Variants in SLC35D4 observed in about 807,000 individuals in gnomAD.
SLC35D4 encodes the protein solute carrier family 35 member D4.
the SLC35D4 span, among the ~76,000 whole-genome samples, chr18:23,321,640 A>G: frequency 2.0e-5 from 3 of 152,100 alleles, no homozygotes; most frequent in Non-Finnish European, 2.9e-5. Flanking sequence ...TATTTTGTAG[A>G]GATGGGGTTT....
chr18:23,404,511 A>G, the SLC35D4 span, among the ~76,000 whole-genome samples: 1 of 151,262 alleles, frequency 6.6e-6, no homozygotes, highest in Non-Finnish European at 1.5e-5. Flanking sequence ...CGTCTCTACT[A>G]AAAATACAAA....
the SLC35D4 span, among the ~76,000 whole-genome samples, chr18:23,267,726 T>C: frequency 6.6e-6 from 1 of 152,148 alleles, no homozygotes; most frequent in African/African-American, 2.4e-5. Context: ...TTTCCTTCCT[T>C]AGCGCTCCCT....
the SLC35D4 span, among the ~76,000 whole-genome samples, chr18:23,388,091 G>A: frequency 2.6e-5 from 4 of 152,110 alleles, no homozygotes; most frequent in Non-Finnish European, 5.9e-5. Context: ...TTATGTAAAT[G>A]TTTTTTGCCT....
At chr18:23,306,754 G>C in the SLC35D4 span, among the ~76,000 whole-genome samples, 1 of 152,180 alleles carries the variant, frequency 6.6e-6, no homozygotes, top group Admixed American at 6.5e-5. Context: ...TCCATGGGGG[G>C]GAAAAATCTG....
the SLC35D4 span, among the ~76,000 whole-genome samples, chr18:23,299,348 C>T: frequency 6.6e-6 from 1 of 152,180 alleles, no homozygotes; most frequent in Non-Finnish European, 1.5e-5. Context: ...CTGAGAGTAG[C>T]AATCCCCTCC....
the SLC35D4 span, among the ~76,000 whole-genome samples, chr18:23,360,203 G>T: frequency 1.3e-5 from 2 of 152,246 alleles, no homozygotes; most frequent in Admixed American, 1.3e-4. Flanking sequence ...TGCTGGGTGG[G>T]AGTGGAAAAT....
chr18:23,427,133 A>G, the SLC35D4 span, among the ~76,000 whole-genome samples: 1 of 152,200 alleles, frequency 6.6e-6, no homozygotes, highest in Non-Finnish European at 1.5e-5. Context: ...CTAAAACACC[A>G]CAAGCAATGG....
At chr18:23,336,568 A>G in the SLC35D4 span, among the ~76,000 whole-genome samples, 4 of 152,234 alleles carry the variant, frequency 2.6e-5, no homozygotes, top group Non-Finnish European at 5.9e-5. Context: ...GTGGTTTAAC[A>G]ATGTATTTTC....
the SLC35D4 span, among the ~76,000 whole-genome samples, chr18:23,341,017 A>G: frequency 6.6e-6 from 1 of 152,110 alleles, no homozygotes; most frequent in African/African-American, 2.4e-5. Flanking sequence ...CTATAAACTC[A>G]CACACACCAC....
chr18:23,258,765 A>T, the SLC35D4 span: 1 of 152,192 alleles, frequency 6.6e-6, no homozygotes, highest in Non-Finnish European at 1.5e-5. Flanking sequence ...AGCTTCACAC[A>T]CCAGCCCAGA....
chr18:23,429,692 T>A, the SLC35D4 span, among the ~76,000 whole-genome samples: 1 of 152,154 alleles, frequency 6.6e-6, no homozygotes, highest in Non-Finnish European at 1.5e-5. Context: ...GACTTTTTAA[T>A]AACAGCCATT....
the SLC35D4 span, among the ~76,000 whole-genome samples, chr18:23,395,292 C>G: frequency 1.3e-3 from 198 of 152,268 alleles, no homozygotes; most frequent in East Asian, 0.029. Flanking sequence ...ACAGAGAGGA[C>G]CCACGGGTAC....
At chr18:23,359,056 A>C in the SLC35D4 span, among the ~76,000 whole-genome samples, 1 of 152,152 alleles carries the variant, frequency 6.6e-6, no homozygotes, top group Non-Finnish European at 1.5e-5. Context: ...TCTAGTGCTG[A>C]ACTACACGGC....
At chr18:23,286,897 A>G in the SLC35D4 span, among the ~76,000 whole-genome samples, 2 of 151,550 alleles carry the variant, frequency 1.3e-5, no homozygotes, top group African/African-American at 4.9e-5. Flanking sequence ...CTTCTTCCCA[A>G]TCCAAAGCCT....
At chr18:23,337,029 G>A in the SLC35D4 span, among the ~76,000 whole-genome samples, 1 of 151,772 alleles carries the variant, frequency 6.6e-6, no homozygotes, top group South Asian at 2.1e-4. Context: ...GTGTGTGTGT[G>A]TACCAGAAAT....
chr18:23,240,564 C>T, the SLC35D4 span, among the ~76,000 whole-genome samples: 2 of 152,232 alleles, frequency 1.3e-5, no homozygotes, highest in Non-Finnish European at 2.9e-5. Context: ...AGGATCTCTG[C>T]CCAGACAGAG....
chr18:23,366,388 A>T, the SLC35D4 span, among the ~76,000 whole-genome samples: 3 of 152,220 alleles, frequency 2.0e-5, no homozygotes, highest in Admixed American at 2.0e-4. Context: ...AACTCATGCC[A>T]TCTGGGCAGC....
the SLC35D4 span, chr18:23,296,917 C>G: frequency 5.3e-5 from 8 of 151,984 alleles, no homozygotes; most frequent in African/African-American, 1.9e-4. Context: ...ATAAGGACCA[C>G]GAGAAGTTTA....
chr18:23,265,311 C>A, the SLC35D4 span, among the ~76,000 whole-genome samples: 1 of 152,098 alleles, frequency 6.6e-6, no homozygotes. Context: ...CCCGGGATCT[C>A]ACCACCCCTT....
Sources: allele counts gnomAD v4.1 joint callset (sites outside exome capture counted in the v4.1 genomes callset), GRCh38; gene constraint gnomAD v4.1.1; transcripts MANE v1.5; gene names NCBI Gene and HGNC (gene_info 2026-07-23, HGNC 2026-07-21).